Variants in ZNF541 observed in about 807,000 individuals in gnomAD.
ZNF541 encodes zinc finger protein 541.
Under a neutral mutation model 123.5 loss-of-function variants are expected in ZNF541, and 23 were observed. That is an observed-to-expected ratio of 0.19 (90% CI 0.13 to 0.26). ZNF541 has a LOEUF of 0.26. ZNF541 is among the 10% of genes least tolerant of loss of function. The probability of loss-of-function intolerance (pLI) is 1.00; values close to 1 mark genes in which losing one functional copy is unlikely to be tolerated. For synonymous variants in ZNF541, 751 were observed against 754.5 expected, an observed-to-expected ratio of 1.00 and a Z score of 0.08; for missense variants, 1,612 against 1,789.9, an observed-to-expected ratio of 0.90 and a Z score of 1.79.
chr19:47,553,379 C>T (rs1970685998), intron 3 of ZNF541, among the ~76,000 whole-genome samples: 1 of 150,790 alleles, frequency 6.6e-6, no homozygotes, highest in Admixed American at 6.6e-5. Flanking sequence ...GCTGGGATTA[C>T]AGGCACCCAC....
intron 9 of ZNF541, 73 bp from the exon 10 acceptor site, chr19:47,533,045 G>T: frequency 7.1e-7 from 1 of 1,415,062 alleles, no homozygotes. Flanking sequence ...GCCTGCCTGT[G>T]TGGACGCAGC....
chr19:47,533,021 C>A, intron 9 of ZNF541, 49 bp from the exon 10 acceptor site: 1 of 1,518,256 alleles, frequency 6.6e-7, no homozygotes, highest in South Asian at 1.2e-5. Flanking sequence ...AGCAGGTAAC[C>A]GACAGGGTCC....
In ZNF541 at chr19:47,555,650, C is replaced by T; in HGVS notation, c.207G>A (p.Glu69=). The change falls in exon 3 of 17, where the codon GAG becomes GAA. Residue 69 remains glutamate (E), a synonymous_variant. Transcript: ENST00000391901. ...PTPDMSSEVL[E]DNLDTLSLYS... ...ACAGGGACAAGGTGTCTAAGTTGTCCTCCAGCACCTCGCTGGACATGTCAG... is the reference window on the plus strand; with the variant it reads ...ACAGGGACAAGGTGTCTAAGTTGTCTTCCAGCACCTCGCTGGACATGTCAG... 6.4e-7 allele frequency: 1 copy of T among 1,551,712 alleles called. No homozygotes were observed.
intron 1 of ZNF541, among the ~76,000 whole-genome samples, chr19:47,572,871 G>A (rs1169837617): frequency 6.6e-6 from 1 of 152,100 alleles, no homozygotes; most frequent in Admixed American, 6.5e-5. Context: ...GCCCGGAGCT[G>A]TTGGGTTGCA....
intron 3 of ZNF541, among the ~76,000 whole-genome samples, chr19:47,553,511 C>T (rs905951441): frequency 2.7e-5 from 4 of 150,940 alleles, no homozygotes; most frequent in Admixed American, 6.7e-5. Flanking sequence ...CTGGTTCAAG[C>T]GATTTTCCTG....
chr19:47,570,896 C>T (rs751031013), intron 2 of ZNF541, among the ~76,000 whole-genome samples: 12 of 148,184 alleles, frequency 8.1e-5, no homozygotes, highest in Non-Finnish European at 1.5e-4. Flanking sequence ...TGCAGTGAGC[C>T]GAGATCGCAC....
chr19:47,552,808 G>A (rs534924691), intron 3 of ZNF541, among the ~76,000 whole-genome samples: 5 of 130,156 alleles, frequency 3.8e-5, no homozygotes, highest in African/African-American at 1.5e-4. Context: ...AAAACAAAAC[G>A]TTTTTAAAAA....
At chr19:47,546,939 C>T (rs768296290) in intron 4 of ZNF541, among the ~76,000 whole-genome samples, 2 of 152,218 alleles carry the variant, frequency 1.3e-5, no homozygotes, top group African/African-American at 2.4e-5. Flanking sequence ...AAGCTGGTCT[C>T]GAACTCCTGA....
chr19:47,527,132 G>A (rs969848646), intron 14 of ZNF541, among the ~76,000 whole-genome samples: 2 of 152,182 alleles, frequency 1.3e-5, no homozygotes, highest in Non-Finnish European at 2.9e-5. Context: ...AAATGAAAAC[G>A]AATTTACAGT....
Position 47,546,807 on chromosome 19 carries a change from G to T in ZNF541, c.549-827C>A, listed in dbSNP as rs145770609. Among the ~76,000 whole-genome samples, 88 of 152,150 alleles carry T rather than the reference G, an allele frequency of 5.8e-4. 1 individual carries two copies. The East Asian group carries it at 0.012, about 21-fold the overall frequency. ...CACGATCTCGGCTCACTGCAACTCT[G>T]CCCCCCAGGTTCAAGCGATTCTTGT... On this transcript the variant is annotated intron_variant, in intron 4 of 16. Transcript: ENST00000391901.
intron 14 of ZNF541, among the ~76,000 whole-genome samples, chr19:47,523,681 AG>A (rs2122852482): frequency 6.6e-6 from 1 of 152,342 alleles, no homozygotes; most frequent in Non-Finnish European, 1.5e-5. Context: ...GAACCCTGAC[AG>A]GAAGCAAGCT....
At chr19:47,529,787 C>CATCCAGGGCAACT in intron 12 of ZNF541, 135 bp from the exon 13 acceptor site, 1 of 764,588 alleles carries the variant, frequency 1.3e-6, no homozygotes, top group Non-Finnish European at 2.1e-6. Context: ...CAAAGTTGCC[C>CATCCAGGGCAACT]TGGATGGGCC....
At chr19:47,538,681 T>G (rs1969941069) in intron 8 of ZNF541, among the ~76,000 whole-genome samples, 1 of 152,120 alleles carries the variant, frequency 6.6e-6, no homozygotes. Context: ...TGTGTAAGAA[T>G]AGCCTCAATC....
intron 5 of ZNF541, among the ~76,000 whole-genome samples, chr19:47,542,821 C>G (rs1485055158): frequency 6.6e-6 from 1 of 152,116 alleles, no homozygotes; most frequent in African/African-American, 2.4e-5. Flanking sequence ...TGGCGCATGC[C>G]TGTAATCCCA....
At chr19:47,535,650 G>C (rs1969781517) in intron 9 of ZNF541, among the ~76,000 whole-genome samples, 2 of 152,018 alleles carry the variant, frequency 1.3e-5, no homozygotes. Context: ...TGTACATAAG[G>C]CTGGGTGTGG....
chr19:47,543,462 C>A (rs1970168369), intron 5 of ZNF541, among the ~76,000 whole-genome samples: 1 of 151,598 alleles, frequency 6.6e-6, no homozygotes. Context: ...CCAAGACTCA[C>A]AATCAGAAAA....
At chr19:47,560,405 G>A (rs1441726118) in intron 2 of ZNF541, among the ~76,000 whole-genome samples, 1 of 151,812 alleles carries the variant, frequency 6.6e-6, no homozygotes, top group Non-Finnish European at 1.5e-5. Context: ...GTGAAACTCC[G>A]TTTCCACTAA....
intron 14 of ZNF541, among the ~76,000 whole-genome samples, chr19:47,525,672 G>C (rs1243739022): frequency 1.3e-5 from 2 of 152,184 alleles, no homozygotes; most frequent in Non-Finnish European, 2.9e-5. Context: ...CCAGCACTTT[G>C]GGAGGCCGAG....
At position 47,532,018 on chromosome 19, in the gene ZNF541, G is replaced by T; in HGVS notation, c.3301+110C>A. 4.3e-6 allele frequency: 6 copies of T among 1,407,954 alleles called. No homozygotes were observed. In the South Asian group the frequency reaches 8.4e-5, roughly 20 times the overall value. 87.2% of individuals were successfully genotyped at this position (1,407,954 alleles called of 1,614,324 possible). ...AGCCAGCTCCCTCCCACGCCCAGGG[G>T]ACACTACTTGGATCTAGCGGTCAGG... On this transcript the variant is annotated intron_variant, in intron 11 of 16. Coordinates refer to ENST00000391901, the MANE Select transcript of ZNF541 (RefSeq NM_001277075.3).
Sources: gnomAD v4.1 joint callset for allele counts (sites outside exome capture counted in the v4.1 genomes callset) on GRCh38, gnomAD v4.1.1 for gene constraint, MANE v1.5 for transcripts, NCBI Gene and HGNC (gene_info 2026-07-23, HGNC 2026-07-21) for gene names.